KLHL2: variants seen among roughly 807,000 people sequenced by gnomAD.
KLHL2 encodes kelch-like protein 2.
In KLHL2, 15 loss-of-function variants were observed where a neutral mutation model predicts 75.8. The observed-to-expected ratio is 0.20, with a 90% CI of 0.13 to 0.30. KLHL2 has a LOEUF of 0.30. Among genes scored for constraint, KLHL2 ranks in the 10% least tolerant of loss-of-function variants. KLHL2 has a pLI of 1.00. For missense variants in KLHL2, 381 were observed against 741.0 expected, an observed-to-expected ratio of 0.51 and a Z score of 5.64; for synonymous variants, 214 against 251.9, an observed-to-expected ratio of 0.85 and a Z score of 1.42.
intron 5 of KLHL2, among the ~76,000 whole-genome samples, chr4:165,281,371 A>G (rs1743667699): frequency 6.8e-6 from 1 of 146,640 alleles, no homozygotes; most frequent in African/African-American, 2.6e-5. Context: ...GCTGGAGTGC[A>G]GTGGTGCGAT....
At chr4:165,252,101 CAA>C (rs1170116794) in intron 4 of KLHL2, among the ~76,000 whole-genome samples, 1 of 151,788 alleles carries the variant, frequency 6.6e-6, no homozygotes, top group Non-Finnish European at 1.5e-5. Flanking sequence ...TCTTGATGAA[CAA>C]AAAAATGACT....
At chr4:165,300,204 C>T (rs563806822) in intron 8 of KLHL2, among the ~76,000 whole-genome samples, 1 of 152,012 alleles carries the variant, frequency 6.6e-6, no homozygotes, top group East Asian at 1.9e-4. Flanking sequence ...CAGAGAATCA[C>T]CTGAACCCAG....
intron 9 of KLHL2, among the ~76,000 whole-genome samples, chr4:165,308,378 T>G (rs1289112044): frequency 2.0e-5 from 3 of 152,250 alleles, no homozygotes; most frequent in Non-Finnish European, 4.4e-5. Context: ...TGGGTAACTA[T>G]GAATAAATTT....
intron 10 of KLHL2, 43 bp downstream of exon 10, chr4:165,310,793 C>T (rs376754504): frequency 1.9e-5 from 28 of 1,438,914 alleles, no homozygotes; most frequent in Non-Finnish European, 2.5e-5. Context: ...CTAAAATTAA[C>T]GTAGTAGTCA....
At chr4:165,226,385 C>T (rs1280442727) in intron 2 of KLHL2, among the ~76,000 whole-genome samples, 1 of 152,188 alleles carries the variant, frequency 6.6e-6, no homozygotes, top group African/African-American at 2.4e-5. Flanking sequence ...CCTTCTCGAT[C>T]CAGCTAACTC....
intron 5 of KLHL2, among the ~76,000 whole-genome samples, chr4:165,271,617 CT>C (rs1742702063): frequency 6.9e-6 from 1 of 144,844 alleles, no homozygotes; most frequent in African/African-American, 2.5e-5. Flanking sequence ...TTGACTTTCT[CT>C]TTTCCAATTT....
intron 4 of KLHL2, among the ~76,000 whole-genome samples, chr4:165,258,468 G>C (rs1020854605): frequency 6.6e-6 from 1 of 151,070 alleles, no homozygotes; most frequent in African/African-American, 2.4e-5. Context: ...TAACACTAGT[G>C]CAACTCTGCA....
At chr4:165,251,908 C>T (rs1210678048) in intron 4 of KLHL2, among the ~76,000 whole-genome samples, 1 of 152,140 alleles carries the variant, frequency 6.6e-6, no homozygotes, top group Non-Finnish European at 1.5e-5. Context: ...CGCGCCCGGC[C>T]CCAAAGTGGT....
rs1747022315 is a variant in KLHL2, at chr4:165,322,012, CTCT to C, written c.1754-17_1754-15del. On this transcript the variant is annotated splice_polypyrimidine_tract_variant and intron_variant, in intron 14 of 14. Coordinates refer to ENST00000226725, the MANE Select transcript of KLHL2 (RefSeq NM_007246.4). ...GTGCTGCCTGTGACTTCTTTTTTCT[CTCT>C]TCATTTCTTTGCTCAGGGGTCACAG... The C allele has an allele frequency of 1.2e-6, 2 of 1,612,362 alleles. No homozygotes were observed. The highest frequency in any genetic ancestry group is 1.3e-5 in the African/African-American group (1 of 74,846).
intron 8 of KLHL2, among the ~76,000 whole-genome samples, chr4:165,301,086 G>A (rs1745317457): frequency 6.6e-6 from 1 of 152,036 alleles, no homozygotes; most frequent in South Asian, 2.1e-4. Flanking sequence ...AACTCTCTTG[G>A]TGGCACCTTG....
At chr4:165,262,569 TTTG>T (rs750858912) in intron 4 of KLHL2, among the ~76,000 whole-genome samples, 41 of 152,126 alleles carry the variant, frequency 2.7e-4, no homozygotes, top group African/African-American at 9.2e-4. Flanking sequence ...TTTACGGGCT[TTTG>T]TTGTTGTTGT....
intron 12 of KLHL2, 24 bp from the exon 13 acceptor site, chr4:165,314,002 T>A: frequency 1.9e-6 from 3 of 1,601,856 alleles, no homozygotes; most frequent in East Asian, 4.5e-5. Flanking sequence ...TTTGCCCCTC[T>A]ATTTGGCTGG....
At chr4:165,237,444 T>C (rs1739445416) in intron 3 of KLHL2, among the ~76,000 whole-genome samples, 1 of 150,216 alleles carries the variant, frequency 6.7e-6, no homozygotes, top group Non-Finnish European at 1.5e-5. Context: ...AGCAGGGTAG[T>C]TTTTTGGGAT....
At chr4:165,251,647 T>C (rs1468873954) in intron 4 of KLHL2, among the ~76,000 whole-genome samples, 1 of 147,590 alleles carries the variant, frequency 6.8e-6, no homozygotes, top group African/African-American at 2.5e-5. Flanking sequence ...TCTCGCTCTG[T>C]CGCCCAGGCT....
intron 8 of KLHL2, among the ~76,000 whole-genome samples, chr4:165,302,078 A>G (rs932297822): frequency 2.0e-5 from 3 of 152,144 alleles, no homozygotes; most frequent in Non-Finnish European, 4.4e-5. Context: ...TGTGCTGGGT[A>G]TGTGGGTCCC....
chr4:165,246,780 C>A (rs569945345), intron 4 of KLHL2, among the ~76,000 whole-genome samples: 1 of 152,038 alleles, frequency 6.6e-6, no homozygotes, highest in South Asian at 2.1e-4. Context: ...GTTGGGCTTA[C>A]AAGTGGAGAT....
intron 4 of KLHL2, among the ~76,000 whole-genome samples, chr4:165,261,306 G>A (rs948190936): frequency 2.0e-5 from 3 of 152,116 alleles, no homozygotes; most frequent in Non-Finnish European, 4.4e-5. Flanking sequence ...CATGCAAAAA[G>A]TTTGGCTGTA....
intron 5 of KLHL2, among the ~76,000 whole-genome samples, chr4:165,270,054 T>A (rs1162577533): frequency 6.6e-6 from 1 of 152,196 alleles, no homozygotes; most frequent in Non-Finnish European, 1.5e-5. Flanking sequence ...GTCTTCTTGC[T>A]TTATTTCATT....
intron 3 of KLHL2, among the ~76,000 whole-genome samples, chr4:165,237,385 T>C (rs1341112681): frequency 8.7e-5 from 13 of 149,242 alleles, no homozygotes; most frequent in Admixed American, 8.6e-4. Context: ...TCTCATTAAC[T>C]CTCCTACTTC....
Sources: gnomAD v4.1 joint callset for allele counts (sites outside exome capture counted in the v4.1 genomes callset) on GRCh38, gnomAD v4.1.1 for gene constraint, MANE v1.5 for transcripts, NCBI Gene and HGNC (gene_info 2026-07-23, HGNC 2026-07-21) for gene names.